ADAM9: variants seen among roughly 807,000 people sequenced by gnomAD.
ADAM9 encodes the protein disintegrin and metalloproteinase domain-containing protein 9.
ADAM9 carries 54 observed loss-of-function variants against 108.1 expected under a neutral mutation model. That is an observed-to-expected ratio of 0.50 (90% confidence interval 0.40 to 0.63). ADAM9 has a LOEUF of 0.63. Among genes scored for constraint, ADAM9 ranks in the 20% least tolerant of loss-of-function variants. ADAM9 has a pLI of 0.00. For synonymous variants in ADAM9, 316 were observed against 336.0 expected (o/e 0.94, Z 0.65); for missense variants, 830 against 997.7 (o/e 0.83, Z 2.26).
intron 14 of ADAM9, among the ~76,000 whole-genome samples, chr8:39,063,060 G>A (rs1290206189): frequency 3.3e-5 from 5 of 152,174 alleles, no homozygotes; most frequent in South Asian, 4.1e-4. Flanking sequence ...TGTCTGCTTC[G>A]TGAGTCCTCA....
At chr8:39,023,042 G>GT (rs1434576486) in intron 8 of ADAM9, 114 bp from the exon 9 acceptor site, 138 of 968,952 alleles carry the variant, frequency 1.4e-4, no homozygotes, top group South Asian at 3.0e-4. Flanking sequence ...AGGAAAGATA[G>GT]TTTTTTTTAG....
intron 14 of ADAM9, among the ~76,000 whole-genome samples, chr8:39,069,979 TAA>T (rs869079193): frequency 0.23 from 27,025 of 117,362 alleles, 2,924 homozygotes; most frequent in African/African-American, 0.3. Context: ...CTTGTCTCAC[TAA>T]AAAAAAAAAA....
intron 20 of ADAM9, among the ~76,000 whole-genome samples, chr8:39,096,046 C>T (rs192350301): frequency 4.4e-4 from 66 of 150,806 alleles, no homozygotes; most frequent in African/African-American, 1.6e-3. Context: ...TCCTTCTTCC[C>T]TTGCTGCATT....
At chr8:39,045,568 G>T (rs201512794) in intron 12 of ADAM9, among the ~76,000 whole-genome samples, 1 of 139,232 alleles carries the variant, frequency 7.2e-6, no homozygotes, top group Non-Finnish European at 1.6e-5. Context: ...ATGTGTGTGT[G>T]TGTATATATA....
At chr8:39,016,290 G>A in intron 5 of ADAM9, 96 bp downstream of exon 5, 3 of 1,114,790 alleles carry the variant, frequency 2.7e-6, no homozygotes, top group South Asian at 1.3e-5. Flanking sequence ...TGGGCACTTA[G>A]CAAAATTGGA....
intron 14 of ADAM9, among the ~76,000 whole-genome samples, chr8:39,067,807 A>G (rs902449140): frequency 3.3e-5 from 5 of 152,232 alleles, no homozygotes; most frequent in Admixed American, 6.5e-5. Context: ...GAGAGAGGGC[A>G]TCCCTGTCTT....
intron 7 of ADAM9, among the ~76,000 whole-genome samples, chr8:39,020,015 G>A (rs991807811): frequency 2.6e-5 from 4 of 152,242 alleles, no homozygotes; most frequent in Admixed American, 6.5e-5. Context: ...GCTGGGCGCA[G>A]TGGCTCACGC....
At chr8:39,065,203 TTTTTTTTTG>T (rs1385270424) in intron 14 of ADAM9, among the ~76,000 whole-genome samples, 1 of 121,226 alleles carries the variant, frequency 8.2e-6, no homozygotes, top group Non-Finnish European at 1.9e-5. Flanking sequence ...TTTATCTGTG[TTTTTTTTTG>T]TTTTTTTTTT....
intron 14 of ADAM9, among the ~76,000 whole-genome samples, chr8:39,057,333 ATATT>A (rs1219142494): frequency 6.0e-5 from 9 of 148,900 alleles, no homozygotes; most frequent in South Asian, 2.1e-4. Context: ...CGTGAATCTA[ATATT>A]TATATATAAT....
At chr8:39,088,968 G>A (rs543625692) in intron 18 of ADAM9, among the ~76,000 whole-genome samples, 1 of 152,174 alleles carries the variant, frequency 6.6e-6, no homozygotes, top group Non-Finnish European at 1.5e-5. Flanking sequence ...AAAAAAGTGA[G>A]GCCAGGCACG....
intron 1 of ADAM9, 83 bp downstream of exon 1, chr8:38,997,243 T>G (rs1409136588): frequency 1.4e-6 from 2 of 1,452,858 alleles, no homozygotes; most frequent in Non-Finnish European, 1.9e-6. Context: ...TGCCTGGGAG[T>G]GGAGGGGCCC....
chr8:39,026,563 C>T (rs555328371), intron 10 of ADAM9, 114 bp from the exon 11 acceptor site: 8 of 1,291,496 alleles, frequency 6.2e-6, no homozygotes, highest in Admixed American at 1.7e-5. Context: ...TGATTTATCA[C>T]GTAGGCTGTC....
intron 12 of ADAM9, among the ~76,000 whole-genome samples, chr8:39,045,012 A>ATG (rs1222345655): frequency 9.8e-6 from 1 of 102,152 alleles, no homozygotes; most frequent in Non-Finnish European, 2.0e-5. Flanking sequence ...ATACCTATGT[A>ATG]TGTGTATGTG....
At chr8:38,998,878 C>A (rs1213292316) in intron 1 of ADAM9, among the ~76,000 whole-genome samples, 1 of 152,118 alleles carries the variant, frequency 6.6e-6, no homozygotes, top group African/African-American at 2.4e-5. Flanking sequence ...TAGGTTGTTA[C>A]CAGTTGGGAA....
intron 8 of ADAM9, among the ~76,000 whole-genome samples, chr8:39,022,687 CTG>C (rs915593199): frequency 3.3e-5 from 5 of 151,948 alleles, no homozygotes; most frequent in African/African-American, 1.2e-4. Flanking sequence ...GTTGAGGAAA[CTG>C]AGACTATTGA....
chr8:39,056,971 A>C (rs1309801890), intron 14 of ADAM9, among the ~76,000 whole-genome samples: 1 of 152,188 alleles, frequency 6.6e-6, no homozygotes, highest in Non-Finnish European at 1.5e-5. Context: ...TTGCATATAC[A>C]ACAGTGGTCT....
intron 14 of ADAM9, 78 bp from the exon 15 acceptor site, chr8:39,071,220 G>A (rs1838676996): frequency 3.7e-6 from 5 of 1,368,728 alleles, no homozygotes; most frequent in Non-Finnish European, 5.1e-6. Flanking sequence ...TGTTTAGACT[G>A]TTGTAGGGAA....
At chr8:39,060,703 A>C (rs935555650) in intron 14 of ADAM9, among the ~76,000 whole-genome samples, 3 of 152,236 alleles carry the variant, frequency 2.0e-5, no homozygotes, top group Non-Finnish European at 4.4e-5. Flanking sequence ...TTTCTTGCTC[A>C]CTAGGTCTAA....
chr8:39,045,439 C>CACCTATATGTGCGT (rs1564301873), intron 12 of ADAM9, among the ~76,000 whole-genome samples: 1 of 34,336 alleles, frequency 2.9e-5, no homozygotes. Context: ...TATATGTGCG[C>CACCTATATGTGCGT]GTGTGTACAC....
Sources: allele counts gnomAD v4.1 joint callset (sites outside exome capture counted in the v4.1 genomes callset), GRCh38; gene constraint gnomAD v4.1.1; transcripts MANE v1.5; gene names NCBI Gene and HGNC (gene_info 2026-07-23, HGNC 2026-07-21).